The following GADL1 variants were observed in gnomAD, a reference collection of about 807,000 sequenced individuals.
GADL1 encodes the protein GAD like acidic amino acid decarboxylase 1.
A neutral mutation model predicts 69.5 loss-of-function variants in GADL1; 71 were observed. That is an observed-to-expected ratio of 1.02 (90% CI 0.84 to 1.25). The LOEUF is 1.25. GADL1 is among the 50% of genes most tolerant of loss of function. The pLI is 0.00. For synonymous variants in GADL1, 254 were observed against 214.4 expected, an observed-to-expected ratio of 1.18 and a Z score of -1.62; for missense variants, 737 against 631.8, an observed-to-expected ratio of 1.17 and a Z score of -1.79.
chr3:30,751,243 T>A (rs1233142637), intron 14 of GADL1, among the ~76,000 whole-genome samples: 4 of 152,034 alleles, frequency 2.6e-5, no homozygotes, highest in African/African-American at 4.8e-5. Flanking sequence ...TCAAAGGGCA[T>A]AACCAATTGG....
intron 8 of GADL1, among the ~76,000 whole-genome samples, chr3:30,842,098 T>C (rs1229493209): frequency 1.3e-5 from 2 of 151,964 alleles, no homozygotes; most frequent in Non-Finnish European, 2.9e-5. Context: ...GAGGAAGCTA[T>C]AGATCAGAAA....
intron 1 of GADL1, 120 bp downstream of exon 1, chr3:30,894,458 C>A: frequency 1.4e-6 from 1 of 705,658 alleles, no homozygotes; most frequent in Non-Finnish European, 2.3e-6. Context: ...GACTTTCTAC[C>A]CACCCCAGCC....
chr3:30,853,185 C>G (rs1397311069), intron 4 of GADL1, among the ~76,000 whole-genome samples: 1 of 152,124 alleles, frequency 6.6e-6, no homozygotes, highest in African/African-American at 2.4e-5. Context: ...GCCGCCTTCT[C>G]TCCCCACTCT....
chr3:30,828,255 T>A (rs985090407), intron 11 of GADL1, among the ~76,000 whole-genome samples: 1 of 151,892 alleles, frequency 6.6e-6, no homozygotes, highest in South Asian at 2.1e-4. Flanking sequence ...ATTTGTAATA[T>A]CAATCATTCA....
At chr3:30,762,642 G>GT (rs1166579635) in intron 14 of GADL1, among the ~76,000 whole-genome samples, 1 of 152,200 alleles carries the variant, frequency 6.6e-6, no homozygotes, top group Non-Finnish European at 1.5e-5. Context: ...CACTTTTTAA[G>GT]TTATTTAAAA....
chr3:30,753,227 T>G (rs1266426917), intron 14 of GADL1, among the ~76,000 whole-genome samples: 2 of 152,148 alleles, frequency 1.3e-5, no homozygotes, highest in Admixed American at 6.6e-5. Flanking sequence ...CCCTTCAGAT[T>G]GTGTGAATGG....
intron 14 of GADL1, among the ~76,000 whole-genome samples, chr3:30,734,624 T>C (rs893218034): frequency 1.4e-4 from 22 of 152,208 alleles, no homozygotes; most frequent in Admixed American, 1.2e-3. Context: ...TAAAAAAATT[T>C]TTGTGGTAAT....
chr3:30,775,416 T>C (rs935344594), intron 14 of GADL1, among the ~76,000 whole-genome samples: 1 of 152,242 alleles, frequency 6.6e-6, no homozygotes, highest in African/African-American at 2.4e-5. Flanking sequence ...CATATACTTG[T>C]ATTCTCATTC....
chr3:30,780,393 G>A (rs1274187182), intron 13 of GADL1, among the ~76,000 whole-genome samples: 1 of 152,126 alleles, frequency 6.6e-6, no homozygotes, highest in Non-Finnish European at 1.5e-5. Context: ...ACTCTCCCTT[G>A]GGCGCTCTAT....
chr3:30,741,111 AGTATAT>A (rs1313702292), intron 14 of GADL1, among the ~76,000 whole-genome samples: 2 of 40,266 alleles, frequency 5.0e-5, no homozygotes, highest in Admixed American at 5.5e-4. Context: ...ATGTATTCCT[AGTATAT>A]ATATATATAT....
chr3:30,778,111 G>T, intron 14 of GADL1, 68 bp downstream of exon 14: 1 of 889,262 alleles, frequency 1.1e-6, no homozygotes, highest in Non-Finnish European at 1.9e-6. Flanking sequence ...CTTATTTATA[G>T]GATCAACAGA....
rs1475378399 is a variant in GADL1 at position 30,747,472 on chromosome 3, C to A, written c.1393-19057G>T. On this transcript the variant is annotated intron_variant, in intron 14 of 14. Transcript: ENST00000282538. ...GAATTGAGTAGAGTCTGACACCTCA[C>A]AAACTTAGCAATTTTGGTAAAGGAT... is the stretch of plus-strand genomic sequence containing the variant. Among the ~76,000 whole-genome samples the A allele has an allele frequency of 2.6e-5, 4 of 152,172 alleles. No individual in the cohort carries two copies. In the East Asian group the frequency reaches 5.8e-4, roughly 22 times the overall value.
rs1695396676 is a variant in GADL1 at position 30,728,135 on chromosome 3, C to T, written c.*107G>A. 1.0e-6 allele frequency: 1 copy of T among 985,400 alleles called. No homozygotes were observed. Among genetic ancestry groups the T allele is most frequent in the East Asian group, 2.4e-5 (1 of 41,234 alleles). The allele number at this position is 985,400 out of a possible 1,614,324, so 61.0% of individuals were successfully genotyped here. On this transcript the variant is annotated 3_prime_UTR_variant, in exon 15 of 15. Coordinates refer to ENST00000282538, the MANE Select transcript of GADL1 (RefSeq NM_207359.3). ...TTGCTGGGCCTGGACTGGGAGTATT[C>T]CCTATTTCTCATCAGAAGGGCTGCA...
chr3:30,837,353 A>C (rs180890426), intron 9 of GADL1, among the ~76,000 whole-genome samples: 1 of 152,256 alleles, frequency 6.6e-6, no homozygotes, highest in East Asian at 1.9e-4. Flanking sequence ...ATGGGTAAAC[A>C]TGTCTTTAAT....
rs1698128185 is a variant in GADL1 at position 30,850,181 on chromosome 3, G to A, written c.536-70C>T. On this transcript the variant is annotated intron_variant, in intron 5 of 14. Transcript: ENST00000282538. The stretch of plus-strand genomic sequence containing the variant: ...TAGCTCGCAAAATGCTGAATACAGT[G>A]GAAAGCATGAATGGCCATGACTGCT... The A allele has an allele frequency of 1.8e-5, 15 of 839,326 alleles. No homozygotes were observed. The South Asian group carries it at 1.9e-4, about 11-fold the overall frequency. The allele number at this position is 839,326 out of a possible 1,614,324, so 52.0% of individuals were successfully genotyped here. A position where few individuals can be genotyped will look rare whatever the true frequency, so the allele number is the denominator to read the frequency against.
chr3:30,757,033 A>G (rs1044547622), intron 14 of GADL1, among the ~76,000 whole-genome samples: 3 of 152,192 alleles, frequency 2.0e-5, no homozygotes, highest in African/African-American at 7.2e-5. Context: ...ATTACCCCTC[A>G]GCTTCCTCCA....
intron 14 of GADL1, among the ~76,000 whole-genome samples, chr3:30,755,404 T>C (rs891647982): frequency 2.0e-5 from 3 of 152,178 alleles, no homozygotes; most frequent in Admixed American, 2.0e-4. Context: ...GATATTCTAA[T>C]AAGCTAAAAA....
At chr3:30,808,124 G>C (rs946590964) in intron 11 of GADL1, among the ~76,000 whole-genome samples, 1 of 152,140 alleles carries the variant, frequency 6.6e-6, no homozygotes, top group Non-Finnish European at 1.5e-5. Context: ...AATAGTCTGA[G>C]AAGGAAGAAA....
chr3:30,765,571 C>A lies in GADL1; in HGVS notation c.1392+12608G>T, dbSNP rs189027372. Among the ~76,000 whole-genome samples, 242 of 152,302 alleles carry A rather than the reference C, an allele frequency of 1.6e-3. 4 individuals are homozygous for A. The South Asian group carries it at 0.025, about 16-fold the overall frequency. On this transcript the variant is annotated intron_variant, in intron 14 of 14. Transcript: ENST00000282538. The stretch of plus-strand genomic sequence containing the variant: ...CAGGGCTTGCTTCATGGGTGTGCAA[C>A]CTGTGCAGCTGAACAAGGCCCTGCC...
Sources: gnomAD v4.1 joint callset for allele counts (sites outside exome capture counted in the v4.1 genomes callset) on GRCh38, gnomAD v4.1.1 for gene constraint, MANE v1.5 for transcripts, NCBI Gene and HGNC (gene_info 2026-07-23, HGNC 2026-07-21) for gene names.